VWC2L: variants seen among roughly 807,000 people sequenced by gnomAD.
VWC2L encodes von Willebrand factor C domain containing 2 like.
Under a neutral mutation model 21.6 loss-of-function variants are expected in VWC2L, and 10 were observed. The ratio of observed to expected loss-of-function variants is 0.46; its 90% confidence interval spans 0.29 to 0.78. VWC2L has a LOEUF of 0.78. VWC2L is among the 30% of genes least tolerant of loss of function. The pLI, the probability that VWC2L is intolerant of heterozygous loss-of-function variation, is 0.10. For synonymous variants in VWC2L, 96 were observed against 94.3 expected, an observed-to-expected ratio of 1.02 and a Z score of -0.10; for missense variants, 209 against 277.1, an observed-to-expected ratio of 0.75 and a Z score of 1.74.
rs77587503 is a variant in VWC2L, at chr2:214,412,382, A to T, written c.-81+596A>T. On this transcript the variant is annotated intron_variant, in intron 1 of 3. Transcript: ENST00000312504. ...GATAAACTTTCTAAATATGTGATGT[A>T]TAAATGCTTGCTTTAATTAGTAAAT... Among the ~76,000 whole-genome samples, 16 of 152,264 alleles carry T rather than the reference A, an allele frequency of 1.1e-4. No homozygotes were observed. The East Asian group carries it at 2.9e-3, about 28-fold the overall frequency.
chr2:214,548,021 C>G (rs950612339), intron 3 of VWC2L, among the ~76,000 whole-genome samples: 3 of 152,210 alleles, frequency 2.0e-5, no homozygotes, highest in Non-Finnish European at 4.4e-5. Flanking sequence ...AGGTTTCACA[C>G]TGAGTCATGC....
At chr2:214,430,525 G>T (rs1316613381) in intron 2 of VWC2L, among the ~76,000 whole-genome samples, 1 of 152,046 alleles carries the variant, frequency 6.6e-6, no homozygotes, top group Non-Finnish European at 1.5e-5. Context: ...TATGTTTAAT[G>T]AATATGCTGA....
chr2:214,456,242 G>A (rs1217748529), intron 3 of VWC2L, among the ~76,000 whole-genome samples: 2 of 151,988 alleles, frequency 1.3e-5, no homozygotes, highest in Non-Finnish European at 1.5e-5. Context: ...TCTAACTGGG[G>A]TAAACTGATA....
At chr2:214,486,088 G>C (rs1688668877) in intron 3 of VWC2L, among the ~76,000 whole-genome samples, 1 of 152,002 alleles carries the variant, frequency 6.6e-6, no homozygotes, top group South Asian at 2.1e-4. Context: ...GTATGTTTGT[G>C]TGTGTAAACA....
intron 3 of VWC2L, among the ~76,000 whole-genome samples, chr2:214,514,005 C>CA (rs1399030481): frequency 6.6e-6 from 1 of 152,052 alleles, no homozygotes; most frequent in Non-Finnish European, 1.5e-5. Flanking sequence ...GTTGATGGAG[C>CA]AAGTATCTTT....
intron 3 of VWC2L, among the ~76,000 whole-genome samples, chr2:214,516,555 C>A (rs925845945): frequency 6.6e-6 from 1 of 151,712 alleles, no homozygotes. Flanking sequence ...AGATTTATTT[C>A]TTTTAATCTA....
chr2:214,419,734 AT>A (rs1162517603), intron 2 of VWC2L, among the ~76,000 whole-genome samples: 1 of 151,992 alleles, frequency 6.6e-6, no homozygotes, highest in African/African-American at 2.4e-5. Flanking sequence ...CGGTGTGAAT[AT>A]TTTTTCAAGT....
At chr2:214,452,227 C>G (rs544786555) in intron 3 of VWC2L, among the ~76,000 whole-genome samples, 7 of 152,294 alleles carry the variant, frequency 4.6e-5, no homozygotes, top group African/African-American at 1.7e-4. Flanking sequence ...ACAATCACAG[C>G]TCACTGCAGC....
chr2:214,444,359 C>T (rs1702806929), intron 3 of VWC2L, among the ~76,000 whole-genome samples: 1 of 151,750 alleles, frequency 6.6e-6, no homozygotes, highest in African/African-American at 2.4e-5. Context: ...AAAGACATTC[C>T]AGAGAAAATG....
intron 3 of VWC2L, among the ~76,000 whole-genome samples, chr2:214,544,716 C>A (rs909148471): frequency 6.6e-6 from 1 of 152,066 alleles, no homozygotes; most frequent in Non-Finnish European, 1.5e-5. Flanking sequence ...GGGGACACTA[C>A]TATGTTTATT....
chr2:214,505,007 A>C (rs1297665777), intron 3 of VWC2L, among the ~76,000 whole-genome samples: 1 of 152,226 alleles, frequency 6.6e-6, no homozygotes, highest in Non-Finnish European at 1.5e-5. Flanking sequence ...GTTCAATTGA[A>C]GATGTCTTGA....
intron 3 of VWC2L, among the ~76,000 whole-genome samples, chr2:214,552,379 T>C (rs919105833): frequency 6.6e-6 from 1 of 152,178 alleles, no homozygotes; most frequent in Non-Finnish European, 1.5e-5. Flanking sequence ...GTAATCAACA[T>C]GCTTTTTTTT....
At chr2:214,413,465 A>G (rs1272042697) in intron 1 of VWC2L, among the ~76,000 whole-genome samples, 1 of 152,092 alleles carries the variant, frequency 6.6e-6, no homozygotes, top group Non-Finnish European at 1.5e-5. Context: ...CTTTCTCTTA[A>G]TCACTATGGA....
intron 3 of VWC2L, among the ~76,000 whole-genome samples, chr2:214,568,562 T>G (rs1162846564): frequency 2.6e-5 from 4 of 152,130 alleles, no homozygotes; most frequent in Non-Finnish European, 2.9e-5. Flanking sequence ...AAAGTCACAT[T>G]TTACATGGCA....
At chr2:214,432,930 G>A (rs1702621008) in intron 2 of VWC2L, among the ~76,000 whole-genome samples, 1 of 151,592 alleles carries the variant, frequency 6.6e-6, no homozygotes, top group South Asian at 2.1e-4. Context: ...GCTGAGGCAG[G>A]AGAATCACTT....
intron 2 of VWC2L, among the ~76,000 whole-genome samples, chr2:214,423,227 T>G (rs1211070510): frequency 6.6e-6 from 1 of 152,158 alleles, no homozygotes. Context: ...GCAGGCATTA[T>G]GGTTTCTTTT....
Position 214,576,616 on chromosome 2 carries a change from C to G in VWC2L, c.*796C>G, listed in dbSNP as rs988087339. 6.6e-6 allele frequency: 1 copy of G among 152,156 alleles called. No individual in the cohort carries two copies. Among genetic ancestry groups the G allele is most frequent in the African/African-American group, 2.4e-5 (1 of 41,428 alleles). 9.4% of individuals were successfully genotyped at this position (152,156 alleles called of 1,614,324 possible). A position where few individuals can be genotyped will look rare whatever the true frequency, so the allele number is the denominator to read the frequency against. The stretch of plus-strand genomic sequence containing the variant: ...TCTTTAAAATTGTAGCATTAATCAT[C>G]AGACTTTTTCATGATGTGAAATTTG... On this transcript the variant is annotated 3_prime_UTR_variant, in exon 4 of 4. Coordinates refer to ENST00000312504, the MANE Select transcript of VWC2L (RefSeq NM_001080500.4).
intron 3 of VWC2L, among the ~76,000 whole-genome samples, chr2:214,488,100 C>T (rs1175587961): frequency 6.6e-6 from 1 of 152,214 alleles, no homozygotes; most frequent in Non-Finnish European, 1.5e-5. Context: ...ACATATATAT[C>T]TTCTGCTCCA....
intron 3 of VWC2L, among the ~76,000 whole-genome samples, chr2:214,453,752 G>A (rs199935446): frequency 1.2e-3 from 174 of 140,828 alleles, no homozygotes; most frequent in African/African-American, 4.4e-3. Flanking sequence ...ATGGAGTCTC[G>A]CTCTGTTGCC....
Sources: gnomAD v4.1 joint callset for allele counts (sites outside exome capture counted in the v4.1 genomes callset) on GRCh38, gnomAD v4.1.1 for gene constraint, MANE v1.5 for transcripts, NCBI Gene and HGNC (gene_info 2026-07-23, HGNC 2026-07-21) for gene names.